Variants in CNGA1 observed in about 807,000 individuals in gnomAD.
CNGA1 encodes cyclic nucleotide gated channel subunit alpha 1.
Under a neutral mutation model 69.7 loss-of-function variants are expected in CNGA1, and 53 were observed. That is an observed-to-expected ratio of 0.76 (90% CI 0.61 to 0.96). The LOEUF (loss-of-function observed/expected upper bound fraction) is 0.96. CNGA1 is among the 40% of genes least tolerant of loss of function. CNGA1 has a pLI of 0.00. For missense variants in CNGA1, 739 were observed against 811.2 expected, an observed-to-expected ratio of 0.91 and a Z score of 1.08; for synonymous variants, 249 against 283.5, an observed-to-expected ratio of 0.88 and a Z score of 1.22.
chr4:48,007,312 A>G (rs1342889031), intron 2 of CNGA1, among the ~76,000 whole-genome samples: 1 of 152,186 alleles, frequency 6.6e-6, no homozygotes, highest in Non-Finnish European at 1.5e-5. Context: ...CTGGTCTTGA[A>G]TAAGAGTGTC....
intron 3 of CNGA1, chr4:47,952,928 T>G (rs1739834664): frequency 7.7e-6 from 2 of 258,960 alleles, no homozygotes; most frequent in Non-Finnish European, 1.4e-5. Flanking sequence ...AAGACACATC[T>G]TACATGGCAG....
In CNGA1 at chr4:47,975,506, C is replaced by T. The variant is rs1015450473; in HGVS notation, c.-15+5887G>A. On this transcript the variant is annotated intron_variant, in intron 3 of 10. Transcript: ENST00000514170. ...TCAATTAACTAAAACAAACAAATAACCCAATATATTTTCCAATACTCCTTT... is the reference window on the plus strand; with the variant it reads ...TCAATTAACTAAAACAAACAAATAATCCAATATATTTTCCAATACTCCTTT... Among the ~76,000 whole-genome samples the T allele has an allele frequency of 4.6e-5, 7 of 152,188 alleles. No homozygotes were observed. The South Asian group carries it at 1.2e-3, about 27-fold the overall frequency.
chr4:47,960,205 C>T (rs558384712), intron 3 of CNGA1, among the ~76,000 whole-genome samples: 2 of 152,224 alleles, frequency 1.3e-5, no homozygotes, highest in South Asian at 2.1e-4. Context: ...CAAATTAAAA[C>T]CACAAGATAC....
intron 10 of CNGA1, among the ~76,000 whole-genome samples, chr4:47,938,262 C>A (rs1358507734): frequency 5.3e-5 from 8 of 152,026 alleles, no homozygotes; most frequent in Non-Finnish European, 1.2e-4. Context: ...TCTATCATCA[C>A]CATCCAGGTA....
At chr4:47,964,131 C>G (rs1740603061) in intron 3 of CNGA1, among the ~76,000 whole-genome samples, 1 of 152,182 alleles carries the variant, frequency 6.6e-6, no homozygotes, top group Non-Finnish European at 1.5e-5. Flanking sequence ...TTTTCAGCAT[C>G]AGAATGAAGA....
chr4:48,006,700 C>A (rs933997877), intron 2 of CNGA1, among the ~76,000 whole-genome samples: 3 of 152,144 alleles, frequency 2.0e-5, no homozygotes, highest in South Asian at 2.1e-4. Context: ...CAGCTCACTG[C>A]AACCTCCATC....
chr4:47,971,147 TATATATGTAA>T (rs1380433320), intron 3 of CNGA1: 4 of 445,554 alleles, frequency 9.0e-6, no homozygotes, highest in African/African-American at 8.5e-5. Context: ...GAAATATACA[TATATATGTAA>T]ATATCTATAT....
At chr4:47,974,302 T>C (rs368625160) in intron 3 of CNGA1, among the ~76,000 whole-genome samples, 43 of 152,332 alleles carry the variant, frequency 2.8e-4, no homozygotes, top group African/African-American at 7.9e-4. Context: ...GTATTTTTGT[T>C]TTCTTCTTTG....
intron 6 of CNGA1, among the ~76,000 whole-genome samples, chr4:47,944,679 T>C (rs1488222209): frequency 6.6e-6 from 1 of 152,142 alleles, no homozygotes; most frequent in East Asian, 1.9e-4. Context: ...GCAAAAGTGA[T>C]GTGGAATGGG....
rs1178447898 is a variant in CNGA1 at position 47,995,149 on chromosome 4, G to A, written c.-122-13649C>T. 2.0e-5 allele frequency among the ~76,000 whole-genome samples: 3 copies of A among 151,384 alleles called. No homozygotes were observed. The Admixed American group carries it at 2.0e-4, about 10-fold the overall frequency. On this transcript the variant is annotated intron_variant, in intron 2 of 10. Coordinates refer to ENST00000514170, the MANE Select transcript of CNGA1 (RefSeq NM_001379270.1). Reference sequence around the variant, plus strand: ...TAATTTTAGATAACCTGATGACAATGTGCCTAGGTGATGATCTTTTTGTGA... The same window carrying A: ...TAATTTTAGATAACCTGATGACAATATGCCTAGGTGATGATCTTTTTGTGA...
chr4:48,012,444 A>C (rs1715205521), intron 1 of CNGA1, among the ~76,000 whole-genome samples: 1 of 151,826 alleles, frequency 6.6e-6, no homozygotes, highest in South Asian at 2.1e-4. Context: ...CATTGCTTTC[A>C]GTTTGGCCTA....
rs573240429 is a variant in CNGA1, at chr4:47,955,966, G to A, written c.-14-3263C>T. On this transcript the variant is annotated intron_variant, in intron 3 of 10. Transcript: ENST00000514170. Reference sequence around the variant, plus strand: ...TATGAAAACTCACTAAATTTACAACGACTTTGAAATGGTTCTTAGGGCGAC... The same window carrying A: ...TATGAAAACTCACTAAATTTACAACAACTTTGAAATGGTTCTTAGGGCGAC... 2.6e-5 allele frequency among the ~76,000 whole-genome samples: 4 copies of A among 152,246 alleles called. No individual in the cohort carries two copies. In the South Asian group the frequency reaches 8.3e-4, roughly 32 times the overall value.
intron 3 of CNGA1, among the ~76,000 whole-genome samples, chr4:47,955,478 T>C (rs929250145): frequency 2.6e-5 from 4 of 152,148 alleles, no homozygotes; most frequent in Non-Finnish European, 5.9e-5. Flanking sequence ...CCACCGCGCC[T>C]GGCCCATATA....
At chr4:47,941,235 A>C (rs537502042) in intron 9 of CNGA1, among the ~76,000 whole-genome samples, 2 of 152,346 alleles carry the variant, frequency 1.3e-5, no homozygotes, top group South Asian at 4.1e-4. Context: ...GACACTCTAA[A>C]TACCCTGACT....
chr4:47,983,615 T>TAAAAGA (rs151300314), intron 2 of CNGA1, among the ~76,000 whole-genome samples: 167 of 151,330 alleles, frequency 1.1e-3, no homozygotes, highest in Non-Finnish European at 1.4e-3. Flanking sequence ...AAAAAAAAAG[T>TAAAAGA]AAAAGAAAAA....
At chr4:47,964,728 G>T (rs903978350) in intron 3 of CNGA1, among the ~76,000 whole-genome samples, 2 of 151,976 alleles carry the variant, frequency 1.3e-5, no homozygotes, top group African/African-American at 4.8e-5. Context: ...TAGAGATTTT[G>T]ATGGAATTTG....
chr4:47,945,231 A>T (rs575329276), intron 6 of CNGA1, among the ~76,000 whole-genome samples: 4 of 152,294 alleles, frequency 2.6e-5, no homozygotes, highest in East Asian at 3.9e-4. Flanking sequence ...TTTAAATTTT[A>T]AAAAAATCAG....
In CNGA1 at chr4:47,936,497, A is replaced by G. The variant is rs756311008; in HGVS notation, c.1985T>C (p.Leu662Pro). 2 of 1,614,080 alleles carry G rather than the reference A, an allele frequency of 1.2e-6. No individual in the cohort carries two copies. The highest frequency in any genetic ancestry group is 3.3e-5 in the Admixed American group (2 of 59,996). Residue 662 changes from leucine (L) to proline (P), a missense_variant, in exon 11 of 11, where the codon CTG (leucine) becomes CCG (proline). By Grantham distance (98) the Leu-to-Pro change is moderately conservative. Transcript: ENST00000514170. ...KQRLTKVEKF[L>P]KPLIDTEFSS... ...AAATTCTGTGTCAATAAGCGGTTTCAGAAATTTCTCAACCTTGGTTAATCT... is the reference window on the plus strand; with the variant it reads ...AAATTCTGTGTCAATAAGCGGTTTCGGAAATTTCTCAACCTTGGTTAATCT...
intron 2 of CNGA1, among the ~76,000 whole-genome samples, chr4:48,010,198 T>C (rs1715090332): frequency 6.6e-6 from 1 of 152,178 alleles, no homozygotes; most frequent in African/African-American, 2.4e-5. Flanking sequence ...TGATGATGGA[T>C]GCCAAATCAA....
Sources: gnomAD v4.1 joint callset for allele counts (sites outside exome capture counted in the v4.1 genomes callset) on GRCh38, gnomAD v4.1.1 for gene constraint, MANE v1.5 for transcripts, NCBI Gene and HGNC (gene_info 2026-07-23, HGNC 2026-07-21) for gene names.